Variants in PSPH observed in about 807,000 individuals in gnomAD.
PSPH encodes the protein L-3-phosphoserine phosphatase.
A neutral mutation model predicts 23.4 loss-of-function variants in PSPH; 16 were observed. The ratio of observed to expected loss-of-function variants is 0.68; its 90% CI spans 0.46 to 1.04. The LOEUF is 1.04. Among genes scored for constraint, PSPH ranks in the 50% least tolerant of loss-of-function variants. The pLI is 0.00. For missense variants in PSPH, 223 were observed against 273.7 expected, an observed-to-expected ratio of 0.81 and a Z score of 1.31; for synonymous variants, 68 against 99.7, an observed-to-expected ratio of 0.68 and a Z score of 1.89.
chr7:56,046,402 T>C (rs927435859), intron 1 of PSPH, among the ~76,000 whole-genome samples: 1 of 152,086 alleles, frequency 6.6e-6, no homozygotes, highest in Non-Finnish European at 1.5e-5. Flanking sequence ...TGTTTTATTG[T>C]TTTATTTTTG....
intron 1 of PSPH, among the ~76,000 whole-genome samples, chr7:56,041,177 A>G (rs1792476679): frequency 6.7e-6 from 1 of 149,926 alleles, no homozygotes; most frequent in African/African-American, 2.5e-5. Flanking sequence ...CAGCTTGATT[A>G]TCATAGCAAG....
At position 56,017,230 on chromosome 7, in the gene PSPH, T is replaced by C. The variant is rs755053476; in HGVS notation, c.421+4A>G. ...AAGGGAACATGTTACTGTTAACATC[T>C]TACCGTTAAAGTAGAATTTCAGCCT... On this transcript the variant is annotated splice_donor_region_variant and intron_variant, in intron 6 of 7. Transcript: ENST00000275605. 3.1e-6 allele frequency: 5 copies of C among 1,613,902 alleles called. No individual in the cohort carries two copies. The highest frequency in any genetic ancestry group is 4.2e-6 in the Non-Finnish European group (5 of 1,179,828).
rs1793941924 is a variant in PSPH, at chr7:56,050,826, A to G, written c.-292+312T>C. On this transcript the variant is annotated intron_variant, in intron 1 of 7. Coordinates refer to ENST00000275605, the MANE Select transcript of PSPH (RefSeq NM_004577.4). ...GAACTAGAAGTGGGAGGAAGATTTA[A>G]TTTTCACTACATGCCCTTTGGTGCC... 2.0e-5 allele frequency among the ~76,000 whole-genome samples: 3 copies of G among 152,136 alleles called. No homozygotes were observed. In the South Asian group the frequency reaches 6.2e-4, roughly 32 times the overall value.
intron 5 of PSPH, 28 bp downstream of exon 5, chr7:56,019,572 A>C: frequency 6.2e-7 from 1 of 1,612,924 alleles, no homozygotes; most frequent in Non-Finnish European, 8.5e-7. Flanking sequence ...TGGTGCTGAA[A>C]TACACCTGGA....
intron 7 of PSPH, among the ~76,000 whole-genome samples, chr7:56,012,115 C>T (rs1787979921): frequency 1.3e-5 from 2 of 151,662 alleles, no homozygotes; most frequent in Admixed American, 1.3e-4. Flanking sequence ...TGCCAGGCTG[C>T]TCTCAACCTC....
At chr7:56,045,768 C>T (rs1793143729) in intron 1 of PSPH, among the ~76,000 whole-genome samples, 1 of 151,624 alleles carries the variant, frequency 6.6e-6, no homozygotes, top group Admixed American at 6.6e-5. Flanking sequence ...TGCCTATAGT[C>T]CCAGCTACTC....
intron 6 of PSPH, among the ~76,000 whole-genome samples, chr7:56,015,840 T>C (rs1316689904): frequency 2.6e-5 from 4 of 151,694 alleles, no homozygotes; most frequent in African/African-American, 9.7e-5. Flanking sequence ...GTATTTTTAG[T>C]AGAGATGGGG....
chr7:56,015,707 G>A (rs1412287468), intron 6 of PSPH, among the ~76,000 whole-genome samples: 1 of 152,116 alleles, frequency 6.6e-6, no homozygotes, highest in African/African-American at 2.4e-5. Context: ...TGCCCAGGCT[G>A]GAGTGCAGTG....
intron 3 of PSPH, among the ~76,000 whole-genome samples, chr7:56,021,541 C>T (rs1349969939): frequency 1.3e-5 from 2 of 151,720 alleles, no homozygotes; most frequent in Non-Finnish European, 2.9e-5. Context: ...GCCTCAGCCT[C>T]CTGAGTAGCT....
At chr7:56,024,205 G>T (rs555247988) in intron 3 of PSPH, among the ~76,000 whole-genome samples, 1 of 151,620 alleles carries the variant, frequency 6.6e-6, no homozygotes, top group Admixed American at 6.6e-5. Context: ...GTGAGCCACC[G>T]CGCCCGGCCT....
intron 7 of PSPH, among the ~76,000 whole-genome samples, chr7:56,014,338 T>C (rs1452994064): frequency 6.6e-6 from 1 of 152,156 alleles, no homozygotes; most frequent in Non-Finnish European, 1.5e-5. Flanking sequence ...GGATAAGGCA[T>C]TGTTAAAAGT....
intron 1 of PSPH, among the ~76,000 whole-genome samples, chr7:56,050,519 T>A (rs1413325159): frequency 6.6e-6 from 1 of 151,898 alleles, no homozygotes; most frequent in Non-Finnish European, 1.5e-5. Context: ...CCCCGCCTCA[T>A]CCTCCCAAAG....
At chr7:56,032,968 A>G (rs929475149) in intron 2 of PSPH, among the ~76,000 whole-genome samples, 1 of 151,164 alleles carries the variant, frequency 6.6e-6, no homozygotes, top group African/African-American at 2.4e-5. Flanking sequence ...AAAAAGAAGG[A>G]AGGAAAGGAG....
At chr7:56,043,893 T>A (rs1329570608) in intron 1 of PSPH, among the ~76,000 whole-genome samples, 1 of 152,164 alleles carries the variant, frequency 6.6e-6, no homozygotes, top group East Asian at 1.9e-4. Flanking sequence ...CAAGCCATCA[T>A]TCACACACAA....
At chr7:56,043,828 A>C (rs1792880076) in intron 1 of PSPH, among the ~76,000 whole-genome samples, 1 of 152,084 alleles carries the variant, frequency 6.6e-6, no homozygotes, top group Non-Finnish European at 1.5e-5. Flanking sequence ...ACCCTGTCTC[A>C]AAAAAACAAA....
intron 1 of PSPH, among the ~76,000 whole-genome samples, chr7:56,041,035 A>T (rs1168994795): frequency 6.6e-6 from 1 of 151,994 alleles, no homozygotes; most frequent in Non-Finnish European, 1.5e-5. Flanking sequence ...GTGGGAAAAC[A>T]ATCAGCCTTC....
At chr7:56,013,090 T>C (rs532181849) in intron 7 of PSPH, among the ~76,000 whole-genome samples, 37 of 135,166 alleles carry the variant, frequency 2.7e-4, no homozygotes, top group African/African-American at 9.0e-4. Context: ...TATACACACA[T>C]ATATATACAT....
intron 7 of PSPH, among the ~76,000 whole-genome samples, chr7:56,014,379 C>T (rs372119508): frequency 4.6e-5 from 7 of 152,210 alleles, no homozygotes; most frequent in African/African-American, 9.6e-5. Flanking sequence ...TTATTCACAA[C>T]TTTTCTTGGG....
intron 7 of PSPH, among the ~76,000 whole-genome samples, chr7:56,013,154 T>TACAC (rs1491339226): frequency 5.5e-5 from 4 of 72,396 alleles, no homozygotes; most frequent in African/African-American, 1.4e-4. Flanking sequence ...TGTGTATGTG[T>TACAC]ATACACACAC....
Sources: gnomAD v4.1 joint callset for allele counts (sites outside exome capture counted in the v4.1 genomes callset) on GRCh38, gnomAD v4.1.1 for gene constraint, MANE v1.5 for transcripts, NCBI Gene and HGNC (gene_info 2026-07-23, HGNC 2026-07-21) for gene names.